The following ARHGAP26 variants were observed in gnomAD, a reference collection of about 807,000 sequenced individuals.
ARHGAP26 encodes the protein rho GTPase-activating protein 26.
ARHGAP26 carries 38 observed loss-of-function variants against 104.8 expected under a neutral mutation model. The observed-to-expected ratio is 0.36, with a 90% CI of 0.28 to 0.48. The LOEUF is 0.48. ARHGAP26 is among the 20% of genes least tolerant of loss of function. The pLI, the probability that ARHGAP26 is intolerant of heterozygous loss-of-function variation, is 0.99. For missense variants in ARHGAP26, 704 were observed against 947.9 expected (o/e 0.74, Z 3.38); for synonymous variants, 341 against 340.0 (o/e 1.00, Z -0.03).
intron 20 of ARHGAP26, among the ~76,000 whole-genome samples, chr5:143,174,191 C>T (rs1562552580): frequency 6.6e-6 from 1 of 152,170 alleles, no homozygotes; most frequent in Non-Finnish European, 1.5e-5. Context: ...AGATAGGTAA[C>T]AATCTATTGT....
At chr5:143,022,321 C>T (rs1780462077) in intron 12 of ARHGAP26, among the ~76,000 whole-genome samples, 1 of 152,224 alleles carries the variant, frequency 6.6e-6, no homozygotes, top group African/African-American at 2.4e-5. Context: ...GATCCGCCTG[C>T]CTCGGCCTCC....
intron 17 of ARHGAP26, 183 bp downstream of exon 17, chr5:143,057,930 G>A (rs777968511): frequency 5.7e-5 from 40 of 706,700 alleles, no homozygotes; most frequent in Non-Finnish European, 9.7e-5. Flanking sequence ...ATGCCAGATG[G>A]CCTTCCCAGA....
Position 143,224,739 on chromosome 5 carries a change from TA to T in ARHGAP26, c.*2296del, listed in dbSNP as rs1214356635. On this transcript the variant is annotated 3_prime_UTR_variant, in exon 23 of 23. Transcript: ENST00000645722. ...AATGTGCTGCTGCTTTCCCTTCTCC[TA>T]AACATTTTAAAACTCTTCCCTTTCA... The T allele has an allele frequency of 8.8e-6, 2 of 228,476 alleles. No homozygotes were observed. The highest frequency in any genetic ancestry group is 1.7e-5 in the Non-Finnish European group (2 of 115,150). 14.2% of individuals were successfully genotyped at this position (228,476 alleles called of 1,614,324 possible). A position where few individuals can be genotyped will look rare whatever the true frequency, so the allele number is the denominator to read the frequency against.
intron 1 of ARHGAP26, among the ~76,000 whole-genome samples, chr5:142,835,584 G>T (rs926986446): frequency 5.3e-5 from 8 of 152,142 alleles, no homozygotes; most frequent in Non-Finnish European, 8.8e-5. Flanking sequence ...GGAGGGAAAT[G>T]GTGTTTTGGA....
intron 17 of ARHGAP26, among the ~76,000 whole-genome samples, chr5:143,110,564 C>T (rs1794657660): frequency 1.3e-5 from 2 of 152,172 alleles, no homozygotes; most frequent in Non-Finnish European, 2.9e-5. Flanking sequence ...ACCAGACTGG[C>T]ATACACATGT....
chr5:143,170,032 A>G (rs1379795398), intron 20 of ARHGAP26: 1 of 152,208 alleles, frequency 6.6e-6, no homozygotes, highest in Non-Finnish European at 1.5e-5. Context: ...TTAGCCCTGG[A>G]CACAGTTGAT....
chr5:142,894,867 T>C (rs1460141732), intron 6 of ARHGAP26, among the ~76,000 whole-genome samples: 1 of 152,236 alleles, frequency 6.6e-6, no homozygotes, highest in Non-Finnish European at 1.5e-5. Flanking sequence ...GGATTTGTTA[T>C]AAACAGAACA....
intron 20 of ARHGAP26, among the ~76,000 whole-genome samples, chr5:143,175,266 T>C (rs936802338): frequency 1.3e-5 from 2 of 152,168 alleles, no homozygotes; most frequent in African/African-American, 4.8e-5. Flanking sequence ...CAGTTAATGA[T>C]TGAAAGGACT....
chr5:143,095,532 A>G (rs1034138882), intron 17 of ARHGAP26, among the ~76,000 whole-genome samples: 12 of 152,254 alleles, frequency 7.9e-5, no homozygotes, highest in African/African-American at 2.2e-4. Context: ...TTATTAAATG[A>G]CATTTTACAT....
At chr5:143,100,803 A>G (rs886641752) in intron 17 of ARHGAP26, among the ~76,000 whole-genome samples, 15 of 152,320 alleles carry the variant, frequency 9.8e-5, no homozygotes, top group African/African-American at 3.1e-4. Context: ...TCTGGACTCA[A>G]ATAGAGGCCA....
intron 5 of ARHGAP26, among the ~76,000 whole-genome samples, chr5:142,888,749 G>A (rs760218327): frequency 6.0e-4 from 92 of 152,226 alleles, no homozygotes; most frequent in Admixed American, 1.3e-4. Flanking sequence ...CTCAAAAACA[G>A]TAGTCATTGA....
chr5:143,217,519 G>T (rs759608275), intron 22 of ARHGAP26, among the ~76,000 whole-genome samples: 1 of 152,148 alleles, frequency 6.6e-6, no homozygotes, highest in Admixed American at 6.5e-5. Flanking sequence ...ACTAAAATTG[G>T]GTTCTAGGGA....
intron 14 of ARHGAP26, among the ~76,000 whole-genome samples, chr5:143,050,824 A>G (rs1784902063): frequency 6.6e-6 from 1 of 152,164 alleles, no homozygotes; most frequent in Admixed American, 6.5e-5. Context: ...AGCTAGCAAT[A>G]CGGCTACTAA....
chr5:142,910,948 G>C (rs1322699931), intron 9 of ARHGAP26, among the ~76,000 whole-genome samples: 2 of 152,180 alleles, frequency 1.3e-5, no homozygotes, highest in Admixed American at 1.3e-4. Flanking sequence ...TTTTAACCTA[G>C]ATAATTGGGT....
intron 3 of ARHGAP26, among the ~76,000 whole-genome samples, chr5:142,877,321 C>A (rs1756275463): frequency 6.6e-6 from 1 of 152,184 alleles, no homozygotes; most frequent in South Asian, 2.1e-4. Flanking sequence ...GGTTATATGG[C>A]TACCCTTGGT....
At chr5:143,098,759 A>G (rs1375532369) in intron 17 of ARHGAP26, among the ~76,000 whole-genome samples, 2 of 152,220 alleles carry the variant, frequency 1.3e-5, no homozygotes, top group African/African-American at 4.8e-5. Flanking sequence ...AAATTGGAGT[A>G]ATAACTTCTC....
chr5:143,034,113 A>T (rs1383328980), intron 12 of ARHGAP26, among the ~76,000 whole-genome samples: 1 of 152,222 alleles, frequency 6.6e-6, no homozygotes, highest in South Asian at 2.1e-4. Context: ...GTTGGCAAGG[A>T]TTAGGAGAAA....
intron 17 of ARHGAP26, among the ~76,000 whole-genome samples, chr5:143,061,442 T>C (rs1188696761): frequency 6.6e-6 from 1 of 152,210 alleles, no homozygotes; most frequent in East Asian, 1.9e-4. Context: ...AAAGAACTCT[T>C]CATACATCAG....
chr5:142,940,458 C>G (rs1436828576), intron 11 of ARHGAP26, among the ~76,000 whole-genome samples: 2 of 152,072 alleles, frequency 1.3e-5, no homozygotes, highest in African/African-American at 4.8e-5. Flanking sequence ...TTTTCCTGAT[C>G]CTCTCCCTCC....
Sources: allele counts gnomAD v4.1 joint callset (sites outside exome capture counted in the v4.1 genomes callset), GRCh38; gene constraint gnomAD v4.1.1; transcripts MANE v1.5; gene names NCBI Gene and HGNC (gene_info 2026-07-23, HGNC 2026-07-21).